Variants in AP3B1 observed in about 807,000 individuals in gnomAD.
AP3B1 encodes adaptor related protein complex 3 subunit beta 1.
Under a neutral mutation model 132.5 loss-of-function variants are expected in AP3B1, and 61 were observed. The ratio of observed to expected loss-of-function variants is 0.46; its 90% CI spans 0.37 to 0.57. The LOEUF is 0.57. Ranked by LOEUF, AP3B1 falls within the 20% of genes least tolerant of loss-of-function variation. AP3B1 has a pLI of 0.00. For missense variants in AP3B1, 1,120 were observed against 1,289.4 expected (o/e 0.87, Z 2.01); for synonymous variants, 388 against 438.3 (o/e 0.89, Z 1.43).
Position 78,160,541 on chromosome 5 carries a change from T to C in AP3B1, c.1363+2278A>G, listed in dbSNP as rs115083536. Among the ~76,000 whole-genome samples the C allele has an allele frequency of 7.8e-3, 1,192 of 152,184 alleles. 9 individuals carry two copies. Among genetic ancestry groups the C allele is most frequent in the South Asian group, 0.025 (121 of 4,828 alleles). On this transcript the variant is annotated intron_variant, in intron 13 of 26. Coordinates refer to ENST00000255194, the MANE Select transcript of AP3B1 (RefSeq NM_003664.5). Reference sequence around the variant, plus strand: ...CAAAACTAGAGGTCCAAGAGAAATATATTAAACATATTTAAAAACAATTGA... The same window carrying C: ...CAAAACTAGAGGTCCAAGAGAAATACATTAAACATATTTAAAAACAATTGA...
chr5:78,250,595 G>A (rs1747588886), intron 2 of AP3B1, among the ~76,000 whole-genome samples: 1 of 152,032 alleles, frequency 6.6e-6, no homozygotes, highest in Non-Finnish European at 1.5e-5. Flanking sequence ...GCTTTCTGAG[G>A]ATGACTTAAG....
chr5:78,026,900 G>A (rs981596413), intron 24 of AP3B1, among the ~76,000 whole-genome samples: 3 of 151,954 alleles, frequency 2.0e-5, no homozygotes, highest in Non-Finnish European at 4.4e-5. Context: ...AATGCAAGTT[G>A]GCCACTTGCA....
intron 15 of AP3B1, among the ~76,000 whole-genome samples, chr5:78,135,415 A>G (rs1218676224): frequency 6.6e-6 from 1 of 152,204 alleles, no homozygotes; most frequent in Non-Finnish European, 1.5e-5. Flanking sequence ...ATGCATATTC[A>G]TATAATAAAA....
chr5:78,233,535 C>T (rs1746746666), intron 3 of AP3B1, among the ~76,000 whole-genome samples: 1 of 152,080 alleles, frequency 6.6e-6, no homozygotes, highest in Non-Finnish European at 1.5e-5. Context: ...ACGCCCAGCC[C>T]AGCCTTTCTT....
At chr5:78,128,248 A>C in intron 16 of AP3B1, 88 bp from the exon 17 acceptor site, 1 of 1,177,268 alleles carries the variant, frequency 8.5e-7, no homozygotes, top group Non-Finnish European at 1.2e-6. Context: ...GGTAATTGGC[A>C]TATTACCTCA....
intron 5 of AP3B1, among the ~76,000 whole-genome samples, chr5:78,226,697 A>C (rs1221019204): frequency 6.6e-6 from 1 of 152,130 alleles, no homozygotes; most frequent in Non-Finnish European, 1.5e-5. Context: ...TGTGAATACA[A>C]CACCAGAAAC....
At chr5:78,075,726 G>C (rs1020717135) in intron 22 of AP3B1, among the ~76,000 whole-genome samples, 1 of 152,152 alleles carries the variant, frequency 6.6e-6, no homozygotes, top group African/African-American at 2.4e-5. Context: ...CCTATCCTTC[G>C]GCCTATAAAT....
At chr5:78,099,286 A>G (rs1751030668) in intron 21 of AP3B1, among the ~76,000 whole-genome samples, 1 of 152,204 alleles carries the variant, frequency 6.6e-6, no homozygotes, top group Admixed American at 6.5e-5. Flanking sequence ...GGACTAGGAC[A>G]GTGTGTAAGA....
At chr5:78,193,514 C>G (rs1216453372) in intron 7 of AP3B1, among the ~76,000 whole-genome samples, 1 of 151,528 alleles carries the variant, frequency 6.6e-6, no homozygotes, top group Non-Finnish European at 1.5e-5. Flanking sequence ...ACTTGGTATA[C>G]TAACCATACT....
At chr5:78,101,280 T>A (rs115901578) in intron 20 of AP3B1, 1 of 478,428 alleles carries the variant, frequency 2.1e-6, no homozygotes, top group Non-Finnish European at 3.9e-6. Flanking sequence ...AATTTAAAGG[T>A]ATGTAATTAT....
rs946573233 is a variant in AP3B1, at chr5:78,084,909, C to T, written c.2577+4484G>A. On this transcript the variant is annotated intron_variant, in intron 22 of 26. Transcript: ENST00000255194. The stretch of plus-strand genomic sequence containing the variant: ...TCCTTTTTTCCATCTGACATTATAC[C>T]ATATTTTATCTTATTAAAATATGTA... Among the ~76,000 whole-genome samples, 68 of 151,804 alleles carry T rather than the reference C, an allele frequency of 4.5e-4. 1 individual carries two copies. The highest frequency in any genetic ancestry group is 1.5e-4 in the Non-Finnish European group (10 of 67,976).
intron 2 of AP3B1, among the ~76,000 whole-genome samples, chr5:78,247,902 T>A (rs1451320475): frequency 6.6e-6 from 1 of 152,170 alleles, no homozygotes; most frequent in Non-Finnish European, 1.5e-5. Flanking sequence ...TATTTTCTGT[T>A]CTCCTACTTC....
Position 78,044,321 on chromosome 5 carries a change from C to G in AP3B1, c.2578-5047G>C, listed in dbSNP as rs544546515. Among the ~76,000 whole-genome samples, 4 of 152,308 alleles carry G rather than the reference C, an allele frequency of 2.6e-5. No individual in the cohort carries two copies. The East Asian group carries it at 7.7e-4, about 29-fold the overall frequency. On this transcript the variant is annotated intron_variant, in intron 22 of 26. Transcript: ENST00000255194. ...ATGCTACTAAGGCTATGATAATCAA[C>G]CTTAAATATAAGCTCTTATCTGGCT...
intron 17 of AP3B1, among the ~76,000 whole-genome samples, chr5:78,121,281 G>C (rs992679015): frequency 2.1e-4 from 32 of 152,118 alleles, no homozygotes; most frequent in African/African-American, 4.1e-4. Flanking sequence ...ACAATTAAAA[G>C]AACTAGAAAA....
intron 1 of AP3B1, among the ~76,000 whole-genome samples, chr5:78,279,565 T>C (rs1277639553): frequency 6.6e-6 from 1 of 151,926 alleles, no homozygotes; most frequent in Non-Finnish European, 1.5e-5. Flanking sequence ...ATTCTTCCTA[T>C]TCACCATACT....
intron 23 of AP3B1, among the ~76,000 whole-genome samples, chr5:78,038,281 A>G (rs1747888122): frequency 6.6e-6 from 1 of 152,190 alleles, no homozygotes; most frequent in African/African-American, 2.4e-5. Flanking sequence ...GGATGTGGAT[A>G]AATACCAGTG....
rs1052091238 is a variant in AP3B1, at chr5:78,227,586, C to T, written c.376-54G>A. 21 of 1,569,634 alleles carry T rather than the reference C, an allele frequency of 1.3e-5. No individual in the cohort carries two copies. In the African/African-American group the frequency reaches 2.0e-4, roughly 15 times the overall value. On this transcript the variant is annotated intron_variant, in intron 4 of 26. Coordinates refer to ENST00000255194, the MANE Select transcript of AP3B1 (RefSeq NM_003664.5). ...AATTTCAACTTTACAATATTTTAAA[C>T]ATATCTTTCAGACACAGTTAATAGG...
intron 15 of AP3B1, among the ~76,000 whole-genome samples, chr5:78,134,203 G>A (rs1247318550): frequency 6.7e-6 from 1 of 148,260 alleles, no homozygotes; most frequent in Admixed American, 6.8e-5. Flanking sequence ...AAAATACTCT[G>A]ACAATAAACT....
At chr5:78,264,154 T>C (rs1186928141) in intron 2 of AP3B1, among the ~76,000 whole-genome samples, 1 of 152,208 alleles carries the variant, frequency 6.6e-6, no homozygotes, top group Admixed American at 6.5e-5. Context: ...CAGCGATGCA[T>C]GACTCTAAGT....
Sources: gnomAD v4.1 joint callset for allele counts (sites outside exome capture counted in the v4.1 genomes callset) on GRCh38, gnomAD v4.1.1 for gene constraint, MANE v1.5 for transcripts, NCBI Gene and HGNC (gene_info 2026-07-23, HGNC 2026-07-21) for gene names.